Variants in DPYSL2 observed in about 807,000 individuals in gnomAD.
DPYSL2 encodes dihydropyrimidinase like 2, also known as dihydropyrimidinase-related protein 2.
In DPYSL2, 13 loss-of-function variants were observed where a neutral mutation model predicts 69.9. The ratio of observed to expected loss-of-function variants is 0.19; its 90% confidence interval spans 0.12 to 0.30. The LOEUF is 0.30. DPYSL2 is among the 10% of genes least tolerant of loss of function. DPYSL2 has a pLI of 1.00. For missense variants in DPYSL2, 587 were observed against 918.9 expected, an observed-to-expected ratio of 0.64 and a Z score of 4.67; for synonymous variants, 326 against 359.1, an observed-to-expected ratio of 0.91 and a Z score of 1.04.
rs911544927 is a variant in DPYSL2 at position 26,623,955 on chromosome 8, T to A, written c.629-188T>A. On this transcript the variant is annotated intron_variant, in intron 3 of 13. Transcript: ENST00000521913. ...TGGAGACATCATCCAATGCCAAGTT[T>A]CTGCTTTCTGCTTTCTCCCTCTTGG... The A allele has an allele frequency of 4.7e-5, 29 of 617,110 alleles. No individual in the cohort carries two copies. In the African/African-American group the frequency reaches 4.8e-4, roughly 10 times the overall value. The allele number at this position is 617,110 out of a possible 1,614,324, so 38.2% of individuals were successfully genotyped here. A position where few individuals can be genotyped will look rare whatever the true frequency, so the allele number is the denominator to read the frequency against.
rs1803007344 is a variant in DPYSL2, at chr8:26,640,103, CT to C, written c.1127-3335del. 6.6e-6 allele frequency among the ~76,000 whole-genome samples: 1 copy of C among 152,206 alleles called. No individual in the cohort carries two copies. Among genetic ancestry groups the C allele is most frequent in the African/African-American group, 2.4e-5 (1 of 41,450 alleles). On this transcript the variant is annotated intron_variant, in intron 8 of 13. Coordinates refer to ENST00000521913, the MANE Select transcript of DPYSL2 (RefSeq NM_001197293.3). This position sits in a 1 kb window ranked among gnomAD's most constrained non-coding sequence, Gnocchi z 4.2. Reference sequence around the variant, plus strand: ...GTGGCTGCATATGGAGCTACAGATACTGATTTCCCACAGTTCCCACTTTGGA... The same window carrying C: ...GTGGCTGCATATGGAGCTACAGATACGATTTCCCACAGTTCCCACTTTGGA...
intron 7 of DPYSL2, among the ~76,000 whole-genome samples, chr8:26,628,695 G>T (rs1317610107): frequency 6.6e-6 from 1 of 152,238 alleles, no homozygotes; most frequent in Non-Finnish European, 1.5e-5. Context: ...GAACCACCAG[G>T]ATTTCCCCTT....
Position 26,514,753 on chromosome 8 carries a change from C to A in DPYSL2, c.354+74C>A. 7.8e-7 allele frequency: 1 copy of A among 1,288,752 alleles called. No individual in the cohort carries two copies. Among genetic ancestry groups the A allele is most frequent in the African/African-American group, 1.6e-5 (1 of 63,662 alleles). 79.8% of individuals were successfully genotyped at this position (1,288,752 alleles called of 1,614,324 possible). A position where few individuals can be genotyped will look rare whatever the true frequency, so the allele number is the denominator to read the frequency against. On this transcript the variant is annotated intron_variant, in intron 1 of 13. Coordinates refer to ENST00000521913, the MANE Select transcript of DPYSL2 (RefSeq NM_001197293.3). This position sits in a 1 kb window ranked among gnomAD's most constrained non-coding sequence, Gnocchi z 8.4. ...GCCCCTCCCTCGCCCCTGAGCCCGG[C>A]GCGCCCGCCTTCATGCCCCGCCCTG...
rs1363370480 is a variant in DPYSL2, at chr8:26,571,197, G to T, written c.355-10772G>T. On this transcript the variant is annotated intron_variant, in intron 1 of 13. Coordinates refer to ENST00000521913, the MANE Select transcript of DPYSL2 (RefSeq NM_001197293.3). This position sits in a 1 kb window ranked among gnomAD's most constrained non-coding sequence, Gnocchi z 6.1. ...CTTCTATAAATAGAGGGTGGAGTGG[G>T]CTGGATCTGTCGCTAAGTGTCCAGA... 2.0e-5 allele frequency among the ~76,000 whole-genome samples: 3 copies of T among 152,274 alleles called. No individual in the cohort carries two copies. In the East Asian group the frequency reaches 5.8e-4, roughly 29 times the overall value.
intron 13 of DPYSL2, 128 bp from the exon 14 acceptor site, chr8:26,655,487 C>T (rs1445082643): frequency 9.0e-6 from 7 of 775,040 alleles, no homozygotes; most frequent in South Asian, 2.3e-5. Flanking sequence ...CAGAGCAAGA[C>T]GCTGTCTCCA....
At chr8:26,628,653 C>T (rs149530329) in intron 7 of DPYSL2, among the ~76,000 whole-genome samples, 74 of 152,334 alleles carry the variant, frequency 4.9e-4, no homozygotes, top group African/African-American at 1.6e-3. Context: ...CCTGCAGCTT[C>T]GAGTGAAGCG....
At chr8:26,549,200 T>C (rs1429072747) in intron 1 of DPYSL2, among the ~76,000 whole-genome samples, 1 of 146,398 alleles carries the variant, frequency 6.8e-6, no homozygotes, top group Non-Finnish European at 1.5e-5. Context: ...AAAAATTAAG[T>C]TAATAATAAT....
rs192168017 is a variant in DPYSL2, at chr8:26,585,984, G to A, written c.628+2001G>A. Among the ~76,000 whole-genome samples the A allele has an allele frequency of 6.6e-6, 1 of 152,232 alleles. No homozygotes were observed. The highest frequency in any genetic ancestry group is 6.5e-5 in the Admixed American group (1 of 15,296). ...CTAGGCATGGTGGCATGCTCCTGGA[G>A]TCCCAGCTACTTGGGAGGCTGAGGC... is the stretch of plus-strand genomic sequence containing the variant. On this transcript the variant is annotated intron_variant, in intron 3 of 13. Transcript: ENST00000521913. The surrounding 1 kb of genome is among the most constrained non-coding windows in gnomAD (Gnocchi z 4.0).
chr8:26,563,924 G>A (rs1388317848), intron 1 of DPYSL2, among the ~76,000 whole-genome samples: 2 of 152,170 alleles, frequency 1.3e-5, no homozygotes, highest in Non-Finnish European at 2.9e-5. Flanking sequence ...GAAACGTTTA[G>A]TTAGTTGTTG....
rs557783598 is a variant in DPYSL2, at chr8:26,644,100, C to A, written c.1425+9C>A. On this transcript the variant is annotated intron_variant, in intron 10 of 13. Coordinates refer to ENST00000521913, the MANE Select transcript of DPYSL2 (RefSeq NM_001197293.3). The surrounding 1 kb of genome is among the most constrained non-coding windows in gnomAD (Gnocchi z 4.5). ...TCTGGGACAAGGCTGTGGTAAGGAG[C>A]GATGGCCTCACTCCTTGGTGGCTCT... 6.2e-7 allele frequency: 1 copy of A among 1,613,310 alleles called. No homozygotes were observed. The highest frequency in any genetic ancestry group is 8.5e-7 in the Non-Finnish European group (1 of 1,179,620).
rs915410118 is a variant in DPYSL2 at position 26,517,261 on chromosome 8, T to A, written c.354+2582T>A. On this transcript the variant is annotated intron_variant, in intron 1 of 13. Coordinates refer to ENST00000521913, the MANE Select transcript of DPYSL2 (RefSeq NM_001197293.3). The surrounding 1 kb of genome is among the most constrained non-coding windows in gnomAD (Gnocchi z 4.2). ...AGGCTTCCTTGACCCACATGCCACA[T>A]GGCTCATGGAAGATGAGAGATGTTG... Among the ~76,000 whole-genome samples the A allele has an allele frequency of 6.6e-6, 1 of 152,204 alleles. No homozygotes were observed. Among genetic ancestry groups the A allele is most frequent in the African/African-American group, 2.4e-5 (1 of 41,464 alleles).
At chr8:26,645,317 C>T (rs1398279180) in intron 10 of DPYSL2, among the ~76,000 whole-genome samples, 3 of 152,098 alleles carry the variant, frequency 2.0e-5, no homozygotes, top group Non-Finnish European at 4.4e-5. Flanking sequence ...GGAGGATCAC[C>T]TGAGCCTTGG....
chr8:26,551,483 A>G (rs1415684929), intron 1 of DPYSL2, among the ~76,000 whole-genome samples: 1 of 152,200 alleles, frequency 6.6e-6, no homozygotes, highest in East Asian at 1.9e-4. Context: ...ATCTGCCAGT[A>G]TAGTTATAGA....
chr8:26,648,334 G>A lies in DPYSL2; in HGVS notation c.1596+534G>A, dbSNP rs1194447464. On this transcript the variant is annotated intron_variant, in intron 11 of 13. Transcript: ENST00000521913. This position sits in a 1 kb window ranked among gnomAD's most constrained non-coding sequence, Gnocchi z 4.3. The stretch of plus-strand genomic sequence containing the variant: ...AGAAGTACCCCCCAGCCATTTGATT[G>A]TTGTTTTAGGATCTGCCGCTTTGGG... Among the ~76,000 whole-genome samples the A allele has an allele frequency of 6.6e-6, 1 of 152,178 alleles. No homozygotes were observed. The highest frequency in any genetic ancestry group is 1.5e-5 in the Non-Finnish European group (1 of 68,034).
chr8:26,548,554 A>C (rs148729179), intron 1 of DPYSL2: 1 of 151,810 alleles, frequency 6.6e-6, no homozygotes, highest in Admixed American at 6.6e-5. Context: ...CCACTCCTAA[A>C]CTCCTAACAG....
At chr8:26,638,881 A>G (rs1214293193) in intron 8 of DPYSL2, among the ~76,000 whole-genome samples, 4 of 152,190 alleles carry the variant, frequency 2.6e-5, no homozygotes, top group Admixed American at 6.5e-5. Context: ...CTTCTCTAGA[A>G]TGGGCTCCCT....
At position 26,587,573 on chromosome 8, in the gene DPYSL2, C is replaced by T. The variant is rs556261892; in HGVS notation, c.628+3590C>T. Among the ~76,000 whole-genome samples, 1 of 152,334 alleles carries T rather than the reference C, an allele frequency of 6.6e-6. No individual in the cohort carries two copies. The highest frequency in any genetic ancestry group is 1.9e-4 in the East Asian group (1 of 5,186). ...ATTCTCGGTTTAAAAAAGGAGATGGCATGTCAGCAGCAGAAGATAATATTA... is the reference window on the plus strand; with the variant it reads ...ATTCTCGGTTTAAAAAAGGAGATGGTATGTCAGCAGCAGAAGATAATATTA... On this transcript the variant is annotated intron_variant, in intron 3 of 13. Coordinates refer to ENST00000521913, the MANE Select transcript of DPYSL2 (RefSeq NM_001197293.3). This position sits in a 1 kb window ranked among gnomAD's most constrained non-coding sequence, Gnocchi z 4.2.
intron 1 of DPYSL2, chr8:26,578,098 T>C: frequency 6.6e-7 from 1 of 1,509,298 alleles, no homozygotes; most frequent in Non-Finnish European, 8.8e-7. Flanking sequence ...CGTTACGTTC[T>C]TGAAATTTCC....
chr8:26,623,277 G>T, intron 3 of DPYSL2, among the ~76,000 whole-genome samples: 1 of 152,306 alleles, frequency 6.6e-6, no homozygotes, highest in East Asian at 1.9e-4. Context: ...ACTGGTTGGG[G>T]TTTTGCAAAC....
Sources: gnomAD v4.1 joint callset for allele counts (sites outside exome capture counted in the v4.1 genomes callset) on GRCh38, gnomAD v4.1.1 for gene constraint, Gnocchi (gnomAD v3.1) non-coding constraint, MANE v1.5 for transcripts, NCBI Gene and HGNC (gene_info 2026-07-23, HGNC 2026-07-21) for gene names.